The following KDM4C variants were observed in gnomAD, a reference collection of about 807,000 sequenced individuals.
KDM4C encodes lysine demethylase 4C, also known as lysine-specific demethylase 4C.
A neutral mutation model predicts 129.3 loss-of-function variants in KDM4C; 81 were observed. That is an observed-to-expected ratio of 0.63 (90% CI 0.52 to 0.75). KDM4C has a LOEUF of 0.75. KDM4C is among the 30% of genes least tolerant of loss of function. The probability of loss-of-function intolerance (pLI) is 0.00; values close to 1 mark genes in which losing one functional copy is unlikely to be tolerated. For missense variants in KDM4C, 1,457 were observed against 1,304.0 expected, an observed-to-expected ratio of 1.12 and a Z score of -1.81; for synonymous variants, 573 against 456.1, an observed-to-expected ratio of 1.26 and a Z score of -3.26.
chr9:7,126,046 C>T (rs1201189452), intron 18 of KDM4C, among the ~76,000 whole-genome samples: 1 of 152,198 alleles, frequency 6.6e-6, no homozygotes, highest in Non-Finnish European at 1.5e-5. Flanking sequence ...CAAATGACAA[C>T]AAACTAACAT....
Position 6,927,858 on chromosome 9 carries a change from A to G in KDM4C, c.921+34626A>G, listed in dbSNP as rs932249245. ...TCAAGGCATTCTAATCACTATTTTG[A>G]TCTGGCTGTTCCACTGAAACTGCTG... On this transcript the variant is annotated intron_variant, in intron 8 of 21. Transcript: ENST00000381309. 4.1e-4 allele frequency among the ~76,000 whole-genome samples: 62 copies of G among 152,292 alleles called. 1 individual carries two copies. Among genetic ancestry groups the G allele is most frequent in the African/African-American group, 1.5e-3 (61 of 41,564 alleles).
intron 1 of KDM4C, among the ~76,000 whole-genome samples, chr9:6,777,451 C>T (rs1006056822): frequency 5.9e-5 from 9 of 152,158 alleles, no homozygotes; most frequent in South Asian, 4.1e-4. Flanking sequence ...GGCACATCTC[C>T]GGGGCTGTGG....
chr9:7,025,533 G>C (rs1029578704), intron 15 of KDM4C, among the ~76,000 whole-genome samples: 44 of 151,962 alleles, frequency 2.9e-4, no homozygotes, highest in Non-Finnish European at 4.7e-4. Flanking sequence ...TATGGTTTTT[G>C]ATTTGAGGTT....
chr9:6,837,981 G>C (rs1026250188), intron 4 of KDM4C, among the ~76,000 whole-genome samples: 3 of 151,836 alleles, frequency 2.0e-5, no homozygotes, highest in African/African-American at 7.3e-5. Context: ...TTGTATTTCT[G>C]TACTGTACTA....
intron 8 of KDM4C, among the ~76,000 whole-genome samples, chr9:6,923,797 T>C (rs1047460041): frequency 2.0e-5 from 3 of 152,242 alleles, no homozygotes; most frequent in African/African-American, 7.2e-5. Context: ...CCTGTGTCAA[T>C]GACTGCAGAA....
At chr9:6,958,015 G>A (rs953755435) in intron 8 of KDM4C, among the ~76,000 whole-genome samples, 8 of 152,040 alleles carry the variant, frequency 5.3e-5, no homozygotes, top group African/African-American at 1.7e-4. Context: ...TTGCTTCTCC[G>A]AGGGAGAGAA....
chr9:6,958,183 C>T (rs749344695), intron 8 of KDM4C, among the ~76,000 whole-genome samples: 6 of 151,714 alleles, frequency 4.0e-5, no homozygotes, highest in South Asian at 2.1e-4. Flanking sequence ...CTCACAATGC[C>T]GTCTTTCACC....
chr9:6,835,617 A>C, intron 4 of KDM4C: 2 of 838,750 alleles, frequency 2.4e-6, no homozygotes, highest in Admixed American at 1.7e-5. Flanking sequence ...TTTCTTGACA[A>C]AACCTGACTT....
At chr9:6,963,217 G>A (rs1387319115) in intron 8 of KDM4C, among the ~76,000 whole-genome samples, 4 of 152,158 alleles carry the variant, frequency 2.6e-5, no homozygotes, top group Non-Finnish European at 5.9e-5. Context: ...GTGATTCTTA[G>A]CAAGTAGTTT....
intron 17 of KDM4C, among the ~76,000 whole-genome samples, chr9:7,101,782 T>G (rs1245095909): frequency 6.6e-6 from 1 of 152,218 alleles, no homozygotes; most frequent in African/African-American, 2.4e-5. Context: ...TTAAAAGATC[T>G]TAAGAAAATA....
intron 18 of KDM4C, among the ~76,000 whole-genome samples, chr9:7,113,394 G>A (rs1838551152): frequency 6.6e-6 from 1 of 152,208 alleles, no homozygotes; most frequent in African/African-American, 2.4e-5. Flanking sequence ...GGTAAAGCCA[G>A]AGAAGATAAA....
chr9:7,049,508 C>T (rs181341930), intron 17 of KDM4C, among the ~76,000 whole-genome samples: 52 of 152,176 alleles, frequency 3.4e-4, no homozygotes, highest in African/African-American at 1.2e-3. Flanking sequence ...TGGAGCTGAG[C>T]CATCTAACTC....
At chr9:6,876,904 G>C (rs766501778) in intron 5 of KDM4C, among the ~76,000 whole-genome samples, 1 of 152,124 alleles carries the variant, frequency 6.6e-6, no homozygotes, top group African/African-American at 2.4e-5. Context: ...AAAAAGCTTC[G>C]CATACACAAA....
At chr9:6,824,871 C>T (rs189372759) in intron 4 of KDM4C, among the ~76,000 whole-genome samples, 28 of 152,010 alleles carry the variant, frequency 1.8e-4, no homozygotes, top group African/African-American at 6.5e-4. Flanking sequence ...TGGCCAGGTA[C>T]GGTGGCTCAC....
At chr9:7,001,732 C>CT (rs1165200330) in intron 12 of KDM4C, among the ~76,000 whole-genome samples, 16 of 150,408 alleles carry the variant, frequency 1.1e-4, no homozygotes, top group South Asian at 2.1e-4. Flanking sequence ...AAGCTGACAT[C>CT]TTTTTTTTTT....
Position 7,100,363 on chromosome 9 carries a change from A to G in KDM4C, c.2425-3322A>G, listed in dbSNP as rs573407243. 7.2e-5 allele frequency among the ~76,000 whole-genome samples: 11 copies of G among 152,132 alleles called. No homozygotes were observed. In the East Asian group the frequency reaches 2.1e-3, roughly 29 times the overall value. On this transcript the variant is annotated intron_variant, in intron 17 of 21. Coordinates refer to ENST00000381309, the MANE Select transcript of KDM4C (RefSeq NM_015061.6). The stretch of plus-strand genomic sequence containing the variant: ...GATTTTTTTTTCCTTTTTTTGAGAC[A>G]GAGTCTCACTCTGTTACCCAGGCTG...
intron 1 of KDM4C, among the ~76,000 whole-genome samples, chr9:6,784,840 C>G (rs1015241977): frequency 2.4e-4 from 36 of 152,190 alleles, no homozygotes; most frequent in African/African-American, 8.4e-4. Context: ...TTCAAGCCCT[C>G]TTGTGGTTCA....
chr9:6,730,351 C>T (rs1024608207), intron 1 of KDM4C, among the ~76,000 whole-genome samples: 1 of 151,870 alleles, frequency 6.6e-6, no homozygotes, highest in South Asian at 2.1e-4. Context: ...CGTGGTGGCT[C>T]ACGCCTGTAA....
At chr9:6,803,114 G>A (rs1339374681) in intron 2 of KDM4C, among the ~76,000 whole-genome samples, 1 of 152,160 alleles carries the variant, frequency 6.6e-6, no homozygotes, top group African/African-American at 2.4e-5. Context: ...GGAAGATGAG[G>A]CTGGAAAAGG....
Sources: allele counts gnomAD v4.1 joint callset (sites outside exome capture counted in the v4.1 genomes callset), GRCh38; gene constraint gnomAD v4.1.1; transcripts MANE v1.5; gene names NCBI Gene and HGNC (gene_info 2026-07-23, HGNC 2026-07-21).